The following C3orf49 variants were observed in gnomAD, a reference collection of about 807,000 sequenced individuals.
C3orf49 encodes the protein putative uncharacterized protein C3orf49.
C3orf49 carries 27 observed loss-of-function variants against 13.3 expected under a neutral mutation model. The observed-to-expected ratio is 2.02, with a 90% CI of 1.49 to 2.79. C3orf49 has a LOEUF of 2.79. Ranked by LOEUF, C3orf49 falls within the 30% of genes most tolerant of loss-of-function variation. C3orf49 has a pLI of 0.00. For missense variants in C3orf49, 242 were observed against 134.2 expected (o/e 1.80, Z -3.97); for synonymous variants, 87 against 47.6 (o/e 1.83, Z -3.40).
intron 3 of C3orf49, among the ~76,000 whole-genome samples, chr3:63,830,839 CCTG>C (rs1701523192): frequency 1.3e-5 from 2 of 152,148 alleles, no homozygotes; most frequent in Admixed American, 6.6e-5. Flanking sequence ...TTACGAATGA[CCTG>C]CTTTTTTCCT....
At chr3:63,848,049 A>G (rs936727182) in intron 6 of C3orf49, among the ~76,000 whole-genome samples, 1 of 152,180 alleles carries the variant, frequency 6.6e-6, no homozygotes, top group Non-Finnish European at 1.5e-5. Context: ...CTTTGTACCA[A>G]TAAGATACAT....
chr3:63,808,101 T>C, the C3orf49 span, among the ~76,000 whole-genome samples: 1 of 152,022 alleles, frequency 6.6e-6, no homozygotes, highest in African/African-American at 2.4e-5. Flanking sequence ...ACTGGACAAA[T>C]GACAACTTGG....
chr3:63,784,959 T>C, the C3orf49 span: 2 of 152,150 alleles, frequency 1.3e-5, no homozygotes, highest in African/African-American at 2.4e-5. Flanking sequence ...TTGAATTCTT[T>C]AATGCTGCAG....
chr3:63,835,273 TATAG>T (rs1344825120), intron 5 of C3orf49: 3 of 1,612,588 alleles, frequency 1.9e-6, no homozygotes, highest in Non-Finnish European at 2.5e-6. Flanking sequence ...TATATAGATA[TATAG>T]ACAGACAGAT....
intron 3 of C3orf49, among the ~76,000 whole-genome samples, chr3:63,828,118 C>T (rs1488551974): frequency 6.6e-6 from 1 of 152,224 alleles, no homozygotes; most frequent in Non-Finnish European, 1.5e-5. Context: ...CCGTTAGCCA[C>T]ATTTGGCTTT....
chr3:63,845,261 A>G (rs1701864038), intron 6 of C3orf49, among the ~76,000 whole-genome samples, 179 bp downstream of exon 6: 1 of 152,118 alleles, frequency 6.6e-6, no homozygotes. Flanking sequence ...ACTTTGGGGT[A>G]CCTAGGGTTA....
chr3:63,798,567 A>G, the C3orf49 span, among the ~76,000 whole-genome samples: 1 of 151,504 alleles, frequency 6.6e-6, no homozygotes, highest in Non-Finnish European at 1.5e-5. Flanking sequence ...TTTTACTATC[A>G]TCATCATCAT....
the C3orf49 span, among the ~76,000 whole-genome samples, chr3:63,804,047 G>A: frequency 2.6e-5 from 4 of 151,910 alleles, no homozygotes; most frequent in African/African-American, 9.7e-5. Context: ...TAGGGTTCAC[G>A]CTCCTATGAG....
intron 3 of C3orf49, among the ~76,000 whole-genome samples, chr3:63,829,772 G>A (rs1233021980): frequency 6.6e-6 from 1 of 151,824 alleles, no homozygotes; most frequent in Admixed American, 6.6e-5. Context: ...ACCAGCCTGG[G>A]CAACATGGCA....
chr3:63,831,598 T>C, intron 4 of C3orf49, 82 bp from the exon 5 acceptor site: 1 of 666,534 alleles, frequency 1.5e-6, no homozygotes, highest in Non-Finnish European at 2.7e-6. Context: ...AGAACTCTTC[T>C]CTCAGGAAAA....
At chr3:63,789,476 G>A in the C3orf49 span, among the ~76,000 whole-genome samples, 1 of 152,118 alleles carries the variant, frequency 6.6e-6, no homozygotes, top group African/African-American at 2.4e-5. Context: ...TTGGGACTAT[G>A]TAGAGTAGAA....
chr3:63,793,372 T>A, the C3orf49 span, among the ~76,000 whole-genome samples: 1 of 152,092 alleles, frequency 6.6e-6, no homozygotes, highest in Admixed American at 6.6e-5. Context: ...TTTCAATATG[T>A]CCTCAAAAAT....
At chr3:63,834,000 A>T in intron 5 of C3orf49, 1 of 764,770 alleles carries the variant, frequency 1.3e-6, no homozygotes, top group Non-Finnish European at 2.0e-6. Context: ...TATGAATGAA[A>T]TACATTCATA....
Position 63,831,790 on chromosome 3 carries a change from T to C in C3orf49, c.795T>C (p.Ser265=), listed in dbSNP as rs987812947. The change falls in exon 5 of 7, where the codon TCT becomes TCC. Residue 265 remains serine, a synonymous_variant. Transcript: ENST00000295896. ...EFLGDEILQS[S]KQFQRISKRT... ...TGGGGGATGAAATTCTTCAGTCTTC[T>C]AAACAGTTCCAGAGGATATCCAAGA... 20 of 702,884 alleles carry C rather than the reference T, an allele frequency of 2.8e-5. No individual in the cohort carries two copies. Among genetic ancestry groups the C allele is most frequent in the Admixed American group, 8.0e-5 (4 of 49,978 alleles). 43.5% of individuals were successfully genotyped at this position (702,884 alleles called of 1,614,324 possible). A position where few individuals can be genotyped will look rare whatever the true frequency, so the allele number is the denominator to read the frequency against.
chr3:63,831,592 C>G, intron 4 of C3orf49, 88 bp from the exon 5 acceptor site: 1 of 664,818 alleles, frequency 1.5e-6, no homozygotes, highest in Non-Finnish European at 2.7e-6. Flanking sequence ...AGTTCCAGAA[C>G]TCTTCTCTCA....
At chr3:63,842,346 C>A (rs1165567295) in intron 5 of C3orf49, among the ~76,000 whole-genome samples, 6 of 151,796 alleles carry the variant, frequency 4.0e-5, no homozygotes, top group Admixed American at 1.3e-4. Flanking sequence ...AAAGCAGAAC[C>A]CTTATACACT....
the C3orf49 span, among the ~76,000 whole-genome samples, chr3:63,802,926 A>C: frequency 6.6e-6 from 1 of 152,016 alleles, no homozygotes; most frequent in African/African-American, 2.4e-5. Flanking sequence ...ACACACACTA[A>C]GCAAAACTAC....
Position 63,835,509 on chromosome 3 carries a change from T to C in C3orf49, c.849+3665T>C, listed in dbSNP as rs1218307087. ...AAATAAAAAAAGGGCTTATAAGGAG[T>C]TATAACACTCCATTATGGTGAAACT... On this transcript the variant is annotated intron_variant, in intron 5 of 6. Coordinates refer to ENST00000295896, the MANE Select transcript of C3orf49 (RefSeq NM_001355236.2). 5.2e-6 allele frequency: 4 copies of C among 771,666 alleles called. No homozygotes were observed. In the African/African-American group the frequency reaches 7.0e-5, roughly 14 times the overall value. The allele number at this position is 771,666 out of a possible 1,614,324, so 47.8% of individuals were successfully genotyped here.
At chr3:63,835,361 T>C in intron 5 of C3orf49, 1 of 1,613,564 alleles carries the variant, frequency 6.2e-7, no homozygotes, top group East Asian at 2.2e-5. Flanking sequence ...TGAAAGATGC[T>C]CTAATTCTTT....
Sources: gnomAD v4.1 joint callset for allele counts (sites outside exome capture counted in the v4.1 genomes callset) on GRCh38, gnomAD v4.1.1 for gene constraint, MANE v1.5 for transcripts, NCBI Gene and HGNC (gene_info 2026-07-23, HGNC 2026-07-21) for gene names.